Variants in GLIS3 observed in about 807,000 individuals in gnomAD.
GLIS3 encodes zinc finger protein GLIS3.
In GLIS3, 53 loss-of-function variants were observed where a neutral mutation model predicts 78.6. That is an observed-to-expected ratio of 0.67 (90% CI 0.54 to 0.85). GLIS3 has a LOEUF of 0.85. Among genes scored for constraint, GLIS3 ranks in the 40% least tolerant of loss-of-function variants. The probability of loss-of-function intolerance (pLI) is 0.00; values close to 1 mark genes in which losing one functional copy is unlikely to be tolerated. For synonymous variants in GLIS3, 684 were observed against 509.9 expected, an observed-to-expected ratio of 1.34 and a Z score of -4.60; for missense variants, 1,703 against 1,231.1, an observed-to-expected ratio of 1.38 and a Z score of -5.74.
At chr9:3,863,260 TCACAAAAGAGACA>T (rs1820344191) in intron 8 of GLIS3, among the ~76,000 whole-genome samples, 1 of 152,232 alleles carries the variant, frequency 6.6e-6, no homozygotes, top group Admixed American at 6.5e-5. Flanking sequence ...CCCTTCTGTC[TCACAAAAGAGACA>T]CTTGGACTCA....
chr9:4,056,906 T>G (rs1826198551), intron 4 of GLIS3, among the ~76,000 whole-genome samples: 1 of 150,112 alleles, frequency 6.7e-6, no homozygotes, highest in African/African-American at 2.4e-5. Flanking sequence ...CACTTTTTTT[T>G]TTTTTTTTTT....
At chr9:3,920,521 T>C (rs1824813011) in intron 6 of GLIS3, among the ~76,000 whole-genome samples, 1 of 152,106 alleles carries the variant, frequency 6.6e-6, no homozygotes, top group Non-Finnish European at 1.5e-5. Context: ...ATTTATGCTA[T>C]GATTTAGGGC....
chr9:4,430,437 G>T, the GLIS3 span, among the ~76,000 whole-genome samples: 1 of 152,212 alleles, frequency 6.6e-6, no homozygotes, highest in Non-Finnish European at 1.5e-5. Context: ...CAGAGAAGCT[G>T]CACTGTTGCC....
the GLIS3 span, among the ~76,000 whole-genome samples, chr9:4,472,455 T>A: frequency 2.6e-5 from 4 of 152,150 alleles, no homozygotes; most frequent in African/African-American, 7.2e-5. Flanking sequence ...ACGTCCTTTG[T>A]AGGGACATGG....
chr9:4,148,497 T>C (rs17209975), intron 2 of GLIS3, among the ~76,000 whole-genome samples: 58,297 of 151,888 alleles, frequency 0.38, 11,801 homozygotes, highest in Middle Eastern at 0.5. Context: ...AACTCCCACA[T>C]AGTTATTCAT....
intron 2 of GLIS3, among the ~76,000 whole-genome samples, chr9:4,214,123 C>T (rs1396818995): frequency 2.0e-5 from 3 of 152,194 alleles, no homozygotes; most frequent in African/African-American, 7.2e-5. Flanking sequence ...TGCATTCTAA[C>T]ACATATCAAA....
chr9:4,416,411 A>C, the GLIS3 span, among the ~76,000 whole-genome samples: 1 of 152,110 alleles, frequency 6.6e-6, no homozygotes, highest in Non-Finnish European at 1.5e-5. Context: ...ATACAGTAAT[A>C]TTGCTATGTA....
chr9:3,910,585 A>C (rs1157638924), intron 6 of GLIS3, among the ~76,000 whole-genome samples: 1 of 152,202 alleles, frequency 6.6e-6, no homozygotes, highest in East Asian at 1.9e-4. Flanking sequence ...TCCTGGACTC[A>C]AGCAATCTTC....
intron 4 of GLIS3, among the ~76,000 whole-genome samples, chr9:3,947,975 A>G (rs1452224089): frequency 6.6e-6 from 1 of 152,198 alleles, no homozygotes; most frequent in Non-Finnish European, 1.5e-5. Flanking sequence ...CCTAAAAAAG[A>G]AAGAGATATG....
intron 2 of GLIS3, among the ~76,000 whole-genome samples, chr9:4,128,826 T>C (rs1253981179): frequency 6.6e-6 from 1 of 152,236 alleles, no homozygotes; most frequent in Non-Finnish European, 1.5e-5. Context: ...ATTATCTCCC[T>C]AGTATCTCCA....
Position 3,825,660 on chromosome 9 carries a change from C to G in GLIS3, c.*2612G>C, listed in dbSNP as rs1238767765. 1 of 152,124 alleles carries G rather than the reference C, an allele frequency of 6.6e-6. No individual in the cohort carries two copies. Among genetic ancestry groups the G allele is most frequent in the Non-Finnish European group, 1.5e-5 (1 of 68,028 alleles). The allele number at this position is 152,124 out of a possible 1,614,324, so 9.4% of individuals were successfully genotyped here. ...AATGATGAATATATATATAAATCTT[C>G]TGCAGTGTGAAAGTAAGCAAGGGAC... On this transcript the variant is annotated 3_prime_UTR_variant, in exon 11 of 11. Transcript: ENST00000381971.
the GLIS3 span, among the ~76,000 whole-genome samples, chr9:4,445,941 G>C: frequency 6.6e-6 from 1 of 152,194 alleles, no homozygotes; most frequent in Non-Finnish European, 1.5e-5. Flanking sequence ...CCATATCAGA[G>C]TATAGGCCCA....
At chr9:4,265,028 C>A (rs10814903) in intron 2 of GLIS3, among the ~76,000 whole-genome samples, 1 of 151,360 alleles carries the variant, frequency 6.6e-6, no homozygotes, top group Non-Finnish European at 1.5e-5. Context: ...AAAAATTAGC[C>A]GGGTGTGGTG....
At chr9:4,310,056 T>C (rs1817323263) in intron 3 of GLIS3, among the ~76,000 whole-genome samples, 1 of 152,228 alleles carries the variant, frequency 6.6e-6, no homozygotes, top group Admixed American at 6.5e-5. Flanking sequence ...ATCCTGAGGA[T>C]GCCAAACCAT....
chr9:4,254,400 T>C (rs940180455), intron 2 of GLIS3, among the ~76,000 whole-genome samples: 12 of 152,194 alleles, frequency 7.9e-5, no homozygotes, highest in African/African-American at 2.9e-4. Flanking sequence ...TAGAGACATA[T>C]ACTATACTAC....
chr9:4,357,393 G>C, the GLIS3 span, among the ~76,000 whole-genome samples: 1 of 152,122 alleles, frequency 6.6e-6, no homozygotes, highest in Admixed American at 6.5e-5. Flanking sequence ...TTTCAAGCTG[G>C]GAAATCAGTC....
intron 8 of GLIS3, among the ~76,000 whole-genome samples, chr9:3,864,498 T>C (rs965680330): frequency 1.7e-4 from 26 of 152,308 alleles, no homozygotes; most frequent in African/African-American, 6.3e-4. Context: ...CAGCAGAACT[T>C]TGAGAACCAA....
At chr9:4,007,548 G>C (rs940463568) in intron 4 of GLIS3, among the ~76,000 whole-genome samples, 4 of 151,984 alleles carry the variant, frequency 2.6e-5, no homozygotes, top group Non-Finnish European at 5.9e-5. Flanking sequence ...GGGATAGCTG[G>C]AATTTCAATG....
chr9:3,988,581 T>G lies in GLIS3; in HGVS notation c.1711-51392A>C, dbSNP rs147592372. On this transcript the variant is annotated intron_variant, in intron 4 of 10. Coordinates refer to ENST00000381971, the MANE Select transcript of GLIS3 (RefSeq NM_001042413.2). ...TAATACATAGATCGATTGAACAGAA[T>G]AGACAACCCAGACAGGCCCACATAA... 9.9e-5 allele frequency among the ~76,000 whole-genome samples: 15 copies of G among 152,226 alleles called. No individual in the cohort carries two copies. In the South Asian group the frequency reaches 2.5e-3, roughly 25 times the overall value.
Sources: allele counts gnomAD v4.1 joint callset (sites outside exome capture counted in the v4.1 genomes callset), GRCh38; gene constraint gnomAD v4.1.1; transcripts MANE v1.5; gene names NCBI Gene and HGNC (gene_info 2026-07-23, HGNC 2026-07-21).